The following TENM2 variants were observed in gnomAD, a reference collection of about 807,000 sequenced individuals.
TENM2 encodes the protein teneurin transmembrane protein 2.
In TENM2, 52 loss-of-function variants were observed where a neutral mutation model predicts 245.2. The ratio of observed to expected loss-of-function variants is 0.21; its 90% CI spans 0.17 to 0.27. The LOEUF (loss-of-function observed/expected upper bound fraction) is 0.27, where lower values mean the gene tolerates loss of function less well. Among genes scored for constraint, TENM2 ranks in the 10% least tolerant of loss-of-function variants. TENM2 has a pLI of 1.00. For missense variants in TENM2, 3,046 were observed against 3,666.8 expected (o/e 0.83, Z 4.37); for synonymous variants, 1,363 against 1,438.9 (o/e 0.95, Z 1.19).
At chr5:167,914,982 G>T (rs893309299) in intron 3 of TENM2, among the ~76,000 whole-genome samples, 5 of 152,182 alleles carry the variant, frequency 3.3e-5, no homozygotes, top group African/African-American at 9.7e-5. Flanking sequence ...CACGTTGTGT[G>T]GTCCTAGGGG....
intron 15 of TENM2, among the ~76,000 whole-genome samples, chr5:168,195,978 G>A (rs1761395265): frequency 6.6e-6 from 1 of 152,022 alleles, no homozygotes; most frequent in African/African-American, 2.4e-5. Flanking sequence ...AAGAAGAAAA[G>A]AAATCTATGG....
rs137939516 is a variant in TENM2 at position 167,869,644 on chromosome 5, G to A, written c.503-6342G>A. 3.1e-3 allele frequency among the ~76,000 whole-genome samples: 472 copies of A among 152,306 alleles called. 5 individuals carry two copies. Among genetic ancestry groups the A allele is most frequent in the African/African-American group, 0.011 (453 of 41,572 alleles). Reference sequence around the variant, plus strand: ...GCTGGCATTGTTATCAGGGCACCTCGCAGCTTCTGCACTAGCAGGCCTGGC... The same window carrying A: ...GCTGGCATTGTTATCAGGGCACCTCACAGCTTCTGCACTAGCAGGCCTGGC... On this transcript the variant is annotated intron_variant, in intron 2 of 28. Coordinates refer to ENST00000518659, the Ensembl canonical transcript of TENM2.
At chr5:167,815,295 G>GT (rs1308937464) in intron 2 of TENM2, among the ~76,000 whole-genome samples, 1 of 152,112 alleles carries the variant, frequency 6.6e-6, no homozygotes, top group Non-Finnish European at 1.5e-5. Context: ...GGGAGAGTTT[G>GT]TAACGATCCC....
chr5:168,049,201 A>G (rs777471048), intron 6 of TENM2, among the ~76,000 whole-genome samples: 15 of 152,134 alleles, frequency 9.9e-5, no homozygotes, highest in Non-Finnish European at 2.1e-4. Flanking sequence ...CTGTTAAACA[A>G]CCTATAATAC....
At chr5:167,445,311 T>TTATATATATATATATATA (rs755614167) in intron 2 of TENM2, among the ~76,000 whole-genome samples, 4 of 69,980 alleles carry the variant, frequency 5.7e-5, no homozygotes, top group South Asian at 6.8e-4. Context: ...AACCATATGA[T>TTATATATATATATATATA]TATATATATA....
At chr5:167,051,292 T>C in the TENM2 span, among the ~76,000 whole-genome samples, 5 of 152,186 alleles carry the variant, frequency 3.3e-5, no homozygotes, top group Non-Finnish European at 5.9e-5. Flanking sequence ...ACATTTATTT[T>C]TATTTCCTCT....
At chr5:167,227,698 T>G in the TENM2 span, among the ~76,000 whole-genome samples, 1 of 152,220 alleles carries the variant, frequency 6.6e-6, no homozygotes, top group Non-Finnish European at 1.5e-5. Flanking sequence ...CTCTTTGTCT[T>G]TGACATTAGA....
intron 2 of TENM2, among the ~76,000 whole-genome samples, chr5:167,476,757 C>G (rs537623929): frequency 6.6e-6 from 1 of 152,170 alleles, no homozygotes; most frequent in Admixed American, 6.5e-5. Flanking sequence ...TGCTGTCACG[C>G]CCAGCTAAAT....
chr5:168,229,148 C>G (rs1764584387), intron 25 of TENM2, among the ~76,000 whole-genome samples: 2 of 147,904 alleles, frequency 1.4e-5, no homozygotes, highest in South Asian at 2.1e-4. Flanking sequence ...TTCAATAGCC[C>G]CACGAGGATA....
intron 1 of TENM2, among the ~76,000 whole-genome samples, chr5:167,340,468 G>T (rs1178793253): frequency 1.3e-5 from 2 of 152,194 alleles, no homozygotes; most frequent in Non-Finnish European, 2.9e-5. Context: ...TCCATGACTT[G>T]CAAATGTCTA....
chr5:168,189,066 T>A (rs1243076189), intron 13 of TENM2, among the ~76,000 whole-genome samples: 1 of 152,200 alleles, frequency 6.6e-6, no homozygotes, highest in Non-Finnish European at 1.5e-5. Flanking sequence ...GCAGTCTTCT[T>A]GCTGTGTCCA....
intron 1 of TENM2, among the ~76,000 whole-genome samples, chr5:167,369,608 G>T (rs1238017964): frequency 6.6e-6 from 1 of 152,106 alleles, no homozygotes; most frequent in African/African-American, 2.4e-5. Flanking sequence ...AGAGATACTA[G>T]GAGAAAGTGG....
intron 15 of TENM2, among the ~76,000 whole-genome samples, chr5:168,197,785 T>G (rs1034124017): frequency 1.3e-5 from 2 of 152,124 alleles, no homozygotes; most frequent in African/African-American, 2.4e-5. Context: ...AACGTCCTTG[T>G]TTTCTGTTAA....
intron 7 of TENM2, among the ~76,000 whole-genome samples, chr5:168,078,685 G>A (rs1293107843): frequency 1.3e-5 from 2 of 152,130 alleles, no homozygotes; most frequent in Non-Finnish European, 2.9e-5. Context: ...ATTAAATAGG[G>A]AATCCTTTCC....
intron 9 of TENM2, among the ~76,000 whole-genome samples, chr5:168,103,038 C>G (rs542058623): frequency 2.6e-5 from 4 of 151,962 alleles, no homozygotes; most frequent in African/African-American, 4.8e-5. Context: ...CGCCTCCCCC[C>G]ACCCCACAAC....
intron 2 of TENM2, among the ~76,000 whole-genome samples, 174 bp from the exon 5 acceptor site, chr5:167,875,812 T>C (rs1415450578): frequency 6.6e-6 from 1 of 152,078 alleles, no homozygotes; most frequent in Non-Finnish European, 1.5e-5. Flanking sequence ...AAAATATGAA[T>C]TTAGACTTTT....
chr5:167,462,844 G>A (rs1027325302), intron 2 of TENM2, among the ~76,000 whole-genome samples: 2 of 152,046 alleles, frequency 1.3e-5, no homozygotes, highest in Non-Finnish European at 2.9e-5. Flanking sequence ...AGAGCTGCCA[G>A]TTTCCAGGCT....
chr5:167,283,191 C>G (rs74755066), upstream of TENM2, among the ~76,000 whole-genome samples: 1 of 151,864 alleles, frequency 6.6e-6, no homozygotes, highest in Non-Finnish European at 1.5e-5. Context: ...TTATAGGTGC[C>G]CGCCACCAGG....
the TENM2 span, among the ~76,000 whole-genome samples, chr5:166,988,026 ATAT>A: frequency 6.6e-6 from 1 of 152,180 alleles, no homozygotes; most frequent in African/African-American, 2.4e-5. Context: ...GGGAAGGGTA[ATAT>A]TCTTGAAAAG....
Sources: gnomAD v4.1 joint callset for allele counts (sites outside exome capture counted in the v4.1 genomes callset) on GRCh38, gnomAD v4.1.1 for gene constraint, MANE v1.5 for transcripts, NCBI Gene and HGNC (gene_info 2026-07-23, HGNC 2026-07-21) for gene names.